The following IL1RAPL2 variants were observed in gnomAD, a reference collection of about 807,000 sequenced individuals.
IL1RAPL2 encodes the protein interleukin 1 receptor accessory protein like 2.
A neutral mutation model predicts 44.1 loss-of-function variants in IL1RAPL2; 3 were observed. The ratio of observed to expected loss-of-function variants is 0.07; its 90% CI spans 0.03 to 0.18. The LOEUF (loss-of-function observed/expected upper bound fraction) is 0.18, where lower values mean the gene tolerates loss of function less well. Among genes scored for constraint, IL1RAPL2 ranks in the 10% least tolerant of loss-of-function variants. The pLI is 1.00. For synonymous variants in IL1RAPL2, 181 were observed against 178.8 expected (o/e 1.01, Z -0.10); for missense variants, 391 against 496.4 (o/e 0.79, Z 2.02).
intron 2 of IL1RAPL2, among the ~76,000 whole-genome samples, chrX:105,185,359 A>G (rs1556133260): frequency 8.9e-6 from 1 of 112,106 alleles, no homozygotes; most frequent in Non-Finnish European, 1.9e-5. Context: ...AATCCTGAGA[A>G]TTTTTAATAT....
At chrX:105,032,807 T>C (rs2031535360) in intron 2 of IL1RAPL2, among the ~76,000 whole-genome samples, 1 of 111,368 alleles carries the variant, frequency 9.0e-6, no homozygotes, top group African/African-American at 3.3e-5. Flanking sequence ...CGTTGATCTG[T>C]CTAATGTTGA....
At chrX:105,095,822 C>A (rs2032597924) in intron 2 of IL1RAPL2, among the ~76,000 whole-genome samples, 1 of 111,426 alleles carries the variant, frequency 9.0e-6, no homozygotes, top group Non-Finnish European at 1.9e-5. Flanking sequence ...ACACAAGCAA[C>A]CAAAGAAAAA....
chrX:104,807,172 G>A (rs1046128622), intron 2 of IL1RAPL2, among the ~76,000 whole-genome samples: 5 of 110,800 alleles, frequency 4.5e-5, no homozygotes, highest in African/African-American at 1.6e-4. Context: ...GATTTTGTCA[G>A]GATCTAGAAG....
chrX:104,574,950 A>G (rs1012050551), intron 1 of IL1RAPL2, among the ~76,000 whole-genome samples: 1 of 111,900 alleles, frequency 8.9e-6, no homozygotes, highest in African/African-American at 3.2e-5. Flanking sequence ...GCTTTTGTTT[A>G]TTTACAGTGA....
intron 2 of IL1RAPL2, among the ~76,000 whole-genome samples, chrX:105,124,334 T>C (rs2032954305): frequency 1.8e-5 from 2 of 110,667 alleles, no homozygotes; most frequent in African/African-American, 6.5e-5. Context: ...AAAATATACA[T>C]GAACATATGG....
At chrX:104,919,376 C>T (rs1213415152) in intron 2 of IL1RAPL2, among the ~76,000 whole-genome samples, 4 of 108,443 alleles carry the variant, frequency 3.7e-5, no homozygotes, top group Admixed American at 9.9e-5. Context: ...CAGGCATGTG[C>T]GACCACACCT....
At chrX:105,170,433 T>C (rs1428663432) in intron 2 of IL1RAPL2, among the ~76,000 whole-genome samples, 2 of 111,470 alleles carry the variant, frequency 1.8e-5, no homozygotes, top group Non-Finnish European at 3.8e-5. Context: ...ATAAATCAAA[T>C]TGTACTTACT....
chrX:105,143,778 G>A (rs777645607), intron 2 of IL1RAPL2, among the ~76,000 whole-genome samples: 1 of 110,550 alleles, frequency 9.0e-6, no homozygotes, highest in Admixed American at 9.7e-5. Context: ...TCATAGGTGG[G>A]AATTGAACAA....
chrX:105,684,831 G>A (rs2036957036), intron 6 of IL1RAPL2, among the ~76,000 whole-genome samples: 1 of 111,583 alleles, frequency 9.0e-6, no homozygotes, highest in Non-Finnish European at 1.9e-5. Context: ...GAAGCTTCCA[G>A]AGGAAGGATC....
intron 2 of IL1RAPL2, among the ~76,000 whole-genome samples, chrX:105,105,402 A>C (rs1417087923): frequency 2.7e-5 from 3 of 111,750 alleles, no homozygotes; most frequent in African/African-American, 9.8e-5. Flanking sequence ...CAAGGGGGTG[A>C]CAGTCCACAA....
intron 2 of IL1RAPL2, among the ~76,000 whole-genome samples, chrX:105,081,252 A>C (rs12389510): frequency 9.0e-6 from 1 of 111,071 alleles, no homozygotes; most frequent in African/African-American, 3.3e-5. Context: ...TTCCAGTACT[A>C]TGTTGAATAG....
At chrX:105,663,112 T>C (rs948682852) in intron 6 of IL1RAPL2, among the ~76,000 whole-genome samples, 4 of 111,899 alleles carry the variant, frequency 3.6e-5, no homozygotes, top group African/African-American at 1.3e-4. Flanking sequence ...CACTTACATG[T>C]GGGTCTTTCT....
rs192384489 is a variant in IL1RAPL2, at chrX:104,681,113, C to G, written c.82+22118C>G. On this transcript the variant is annotated intron_variant, in intron 2 of 10. Coordinates refer to ENST00000372582, the MANE Select transcript of IL1RAPL2 (RefSeq NM_017416.2). Reference sequence around the variant, plus strand: ...TTCAATTTTACTAACTTCTGTCTTGCTTCATATGAAAGCTTTTAAATTGAT... The same window carrying G: ...TTCAATTTTACTAACTTCTGTCTTGGTTCATATGAAAGCTTTTAAATTGAT... Among the ~76,000 whole-genome samples, 4 of 111,896 alleles carry G rather than the reference C, an allele frequency of 3.6e-5. No homozygotes were observed. The East Asian group carries it at 1.1e-3, about 31-fold the overall frequency.
chrX:105,605,440 A>T (rs904430976), intron 6 of IL1RAPL2, among the ~76,000 whole-genome samples: 1 of 111,824 alleles, frequency 8.9e-6, no homozygotes, highest in Admixed American at 9.5e-5. Flanking sequence ...CTGATGAATG[A>T]AATCGAAGAA....
At chrX:105,108,494 A>ATTTTTTTTTTT (rs71816209) in intron 2 of IL1RAPL2, among the ~76,000 whole-genome samples, 87 of 73,545 alleles carry the variant, frequency 1.2e-3, no homozygotes, top group East Asian at 1.8e-3. Flanking sequence ...CCATGCCCGG[A>ATTTTTTTTTTT]TTTTTTTTTT....
chrX:105,636,539 C>A (rs2037524682), intron 6 of IL1RAPL2, among the ~76,000 whole-genome samples: 1 of 111,010 alleles, frequency 9.0e-6, no homozygotes, highest in South Asian at 3.7e-4. Context: ...CCCAGGTGAC[C>A]CTTAGATACA....
chrX:105,329,444 T>G (rs2147692982), intron 5 of IL1RAPL2, among the ~76,000 whole-genome samples: 1 of 112,133 alleles, frequency 8.9e-6, no homozygotes, highest in Non-Finnish European at 1.9e-5. Flanking sequence ...CTATTTCCTG[T>G]TCTGTTTCTT....
intron 2 of IL1RAPL2, among the ~76,000 whole-genome samples, chrX:105,062,763 G>A (rs770557637): frequency 4.5e-5 from 5 of 111,176 alleles, no homozygotes; most frequent in East Asian, 5.6e-4. Context: ...TGCCACTCTC[G>A]CCTAGCCTGT....
At chrX:104,928,314 G>A (rs1209468454) in intron 2 of IL1RAPL2, among the ~76,000 whole-genome samples, 1 of 111,609 alleles carries the variant, frequency 9.0e-6, no homozygotes, top group Non-Finnish European at 1.9e-5. Flanking sequence ...ATAGATATTA[G>A]TCCAGCTTAT....
Sources: gnomAD v4.1 joint callset for allele counts (sites outside exome capture counted in the v4.1 genomes callset) on GRCh38, gnomAD v4.1.1 for gene constraint, MANE v1.5 for transcripts, NCBI Gene and HGNC (gene_info 2026-07-23, HGNC 2026-07-21) for gene names.